DNAH5: variants seen among roughly 807,000 people sequenced by gnomAD.
DNAH5 encodes dynein axonemal heavy chain 5, also known as axonemal beta dynein heavy chain 5.
Under a neutral mutation model 518.2 loss-of-function variants are expected in DNAH5, and 372 were observed. The observed-to-expected ratio is 0.72, with a 90% confidence interval of 0.66 to 0.78. The LOEUF (loss-of-function observed/expected upper bound fraction) is 0.78. Among genes scored for constraint, DNAH5 ranks in the 30% least tolerant of loss-of-function variants. The probability of loss-of-function intolerance (pLI) is 0.00; values close to 1 mark genes in which losing one functional copy is unlikely to be tolerated. For synonymous variants in DNAH5, 2,039 were observed against 2,025.9 expected, an observed-to-expected ratio of 1.01 and a Z score of -0.17; for missense variants, 5,523 against 5,687.0, an observed-to-expected ratio of 0.97 and a Z score of 0.93.
chr5:13,859,659 T>C, intron 29 of DNAH5, 54 bp from the exon 30 acceptor site: 4 of 1,557,738 alleles, frequency 2.6e-6, no homozygotes, highest in Middle Eastern at 3.3e-4. Context: ...TGCTGTTGTT[T>C]CAAATTAAAA....
At chr5:13,749,384 A>C (rs1042200524) in intron 65 of DNAH5, among the ~76,000 whole-genome samples, 1 of 152,208 alleles carries the variant, frequency 6.6e-6, no homozygotes. Flanking sequence ...CTAAGAAGTA[A>C]GAAAAAGCCT....
At chr5:13,694,466 T>C (rs1741098647) in intron 78 of DNAH5, among the ~76,000 whole-genome samples, 1 of 152,176 alleles carries the variant, frequency 6.6e-6, no homozygotes, top group Non-Finnish European at 1.5e-5. Context: ...AAAATAGGCA[T>C]GCTAGGTAGG....
chr5:13,830,545 A>C (rs180892863), intron 36 of DNAH5, 52 bp downstream of exon 36: 12 of 1,599,392 alleles, frequency 7.5e-6, no homozygotes, highest in Middle Eastern at 1.7e-4. Flanking sequence ...TTTTAGCAAA[A>C]TATTCCACCT....
chr5:13,839,671 C>T, intron 34 of DNAH5, 143 bp from the exon 35 acceptor site: 1 of 710,774 alleles, frequency 1.4e-6, no homozygotes, highest in Non-Finnish European at 2.4e-6. Context: ...AACTGTATCA[C>T]CAGCCAAGCT....
chr5:14,002,460 T>A (rs1784427290), intron 1 of DNAH5, among the ~76,000 whole-genome samples: 1 of 152,164 alleles, frequency 6.6e-6, no homozygotes, highest in Admixed American at 6.5e-5. Context: ...GTTTACATAA[T>A]TCTAAAACCG....
At chr5:13,759,984 G>A (rs1751559292) in intron 60 of DNAH5, among the ~76,000 whole-genome samples, 1 of 152,160 alleles carries the variant, frequency 6.6e-6, no homozygotes, top group Admixed American at 6.5e-5. Context: ...TAATTGACTA[G>A]ATCCAGTGAT....
chr5:13,917,127 G>C lies in DNAH5; in HGVS notation c.1089+16C>G, dbSNP rs1211087630. 1.3e-6 allele frequency: 2 copies of C among 1,586,002 alleles called. No individual in the cohort carries two copies. Among genetic ancestry groups the C allele is most frequent in the South Asian group, 2.2e-5 (2 of 90,532 alleles). On this transcript the variant is annotated intron_variant, in intron 8 of 78. Transcript: ENST00000265104. ...GGGTTATCTATAGACTGAAAGAGTAGAAATCCTTAACTCACGGGATCACTG... is the reference window on the plus strand; with the variant it reads ...GGGTTATCTATAGACTGAAAGAGTACAAATCCTTAACTCACGGGATCACTG...
rs1478663527 is a variant in DNAH5, at chr5:13,737,312, G to A, written c.11395C>T (p.Leu3799=). The change falls in exon 66 of 79, where the codon CTA becomes TTA. Residue 3799 remains leucine, a synonymous_variant. Coordinates refer to ENST00000265104, the MANE Select transcript of DNAH5 (RefSeq NM_001369.3). ...ACTTCTGTCTCAGCAGAAATTTCTAGCTTCTGTGTCACCTCCTCGGCTGTC... is the reference window on the plus strand; with the variant it reads ...ACTTCTGTCTCAGCAGAAATTTCTAACTTCTGTGTCACCTCCTCGGCTGTC... The part of the protein sequence containing the change: ...KRTAEEVTQK[L]EISAETEVQI... The A allele has an allele frequency of 3.7e-6, 6 of 1,613,946 alleles. No individual in the cohort carries two copies. Among genetic ancestry groups the A allele is most frequent in the Admixed American group, 1.7e-5 (1 of 59,986 alleles).
At chr5:13,943,776 T>C (rs141328988) in intron 1 of DNAH5, among the ~76,000 whole-genome samples, 142 of 152,308 alleles carry the variant, frequency 9.3e-4, no homozygotes, top group African/African-American at 3.3e-3. Context: ...GGGTTAATGG[T>C]TGAGAACTGA....
chr5:13,837,692 CTTTTTTT>C (rs534618242), intron 35 of DNAH5, among the ~76,000 whole-genome samples: 10 of 95,108 alleles, frequency 1.1e-4, no homozygotes, highest in Admixed American at 2.4e-4. Flanking sequence ...GGGAACTCCA[CTTTTTTT>C]TTTTTTTTTT....
intron 21 of DNAH5, among the ~76,000 whole-genome samples, chr5:13,878,895 T>C (rs920837665): frequency 2.6e-5 from 4 of 152,166 alleles, no homozygotes; most frequent in Middle Eastern, 3.4e-3. Flanking sequence ...ACAGAAAAAA[T>C]TGGAGCATGC....
At chr5:13,909,193 T>C (rs1479028164) in intron 12 of DNAH5, among the ~76,000 whole-genome samples, 1 of 152,080 alleles carries the variant, frequency 6.6e-6, no homozygotes, top group Admixed American at 6.6e-5. Context: ...TGTTCCAAAA[T>C]CCCCGGTGGG....
At position 13,901,820 on chromosome 5, in the gene DNAH5, G is replaced by A. The variant is rs534289152; in HGVS notation, c.1730+233C>T. On this transcript the variant is annotated intron_variant, in intron 13 of 78. Coordinates refer to ENST00000265104, the MANE Select transcript of DNAH5 (RefSeq NM_001369.3). ...ACATTAGGAAATATTATTATAGGCA[G>A]TCACAAGGTACTTCAAAGCTAAGAG... Among the ~76,000 whole-genome samples the A allele has an allele frequency of 1.4e-4, 22 of 152,162 alleles. No individual in the cohort carries two copies. In the East Asian group the frequency reaches 3.9e-3, roughly 27 times the overall value.
At chr5:13,796,426 A>G (rs1026918089) in intron 47 of DNAH5, among the ~76,000 whole-genome samples, 1 of 152,224 alleles carries the variant, frequency 6.6e-6, no homozygotes, top group African/African-American at 2.4e-5. Flanking sequence ...AGAGAGCCAA[A>G]TCATGAGTGA....
chr5:13,797,032 C>T (rs1757933630), intron 47 of DNAH5, among the ~76,000 whole-genome samples: 1 of 152,168 alleles, frequency 6.6e-6, no homozygotes, highest in Admixed American at 6.5e-5. Flanking sequence ...CTTCCTTACA[C>T]CTTATACAAA....
At position 13,807,670 on chromosome 5, in the gene DNAH5, A is replaced by T. The variant is rs779087628; in HGVS notation, c.7808T>A (p.Phe2603Tyr). Residue 2603 changes from phenylalanine to tyrosine, a missense_variant, in exon 47 of 79, where the codon TTT (phenylalanine) becomes TAT (tyrosine). Coordinates refer to ENST00000265104, the MANE Select transcript of DNAH5 (RefSeq NM_001369.3). ...ACATTCAGGATCATATTTTGACATA[A>T]ATCCTTTAATTATTACTGTTTTGGC... ...GTAKTVIIKG[F>Y]MSKYDPECHM... 1 of 1,610,924 alleles carries T rather than the reference A, an allele frequency of 6.2e-7. No homozygotes were observed. The highest frequency in any genetic ancestry group is 8.5e-7 in the Non-Finnish European group (1 of 1,177,960).
intron 42 of DNAH5, among the ~76,000 whole-genome samples, chr5:13,815,188 C>T (rs1761293176): frequency 2.0e-5 from 3 of 152,008 alleles, no homozygotes; most frequent in African/African-American, 4.8e-5. Flanking sequence ...GTAGAGATGA[C>T]AAGCAAACAA....
rs78685257 is a variant in DNAH5 at position 13,726,794 on chromosome 5, A to G, written c.12033+713T>C. Reference sequence around the variant, plus strand: ...TGAAGGAGAAAATATCTTACATTCTATTATAAACCCAAGGCTATTGCTACT... The same window carrying G: ...TGAAGGAGAAAATATCTTACATTCTGTTATAAACCCAAGGCTATTGCTACT... On this transcript the variant is annotated intron_variant, in intron 70 of 78. Transcript: ENST00000265104. 9.2e-3 allele frequency among the ~76,000 whole-genome samples: 1,408 copies of G among 152,336 alleles called. 17 individuals are homozygous for G. The highest frequency in any genetic ancestry group is 0.032 in the African/African-American group (1,317 of 41,582).
chr5:13,953,156 A>G (rs1221351802), intron 1 of DNAH5, among the ~76,000 whole-genome samples: 1 of 152,238 alleles, frequency 6.6e-6, no homozygotes, highest in Non-Finnish European at 1.5e-5. Flanking sequence ...GAAACTCTGT[A>G]CGGATCAAAT....
Sources: allele counts gnomAD v4.1 joint callset (sites outside exome capture counted in the v4.1 genomes callset), GRCh38; gene constraint gnomAD v4.1.1; transcripts MANE v1.5; gene names NCBI Gene and HGNC (gene_info 2026-07-23, HGNC 2026-07-21).